Variants in THUMPD3 observed in about 807,000 individuals in gnomAD.
The protein encoded by THUMPD3 is THUMP domain 3 tRNA guanosine methyltransferase, also known as tRNA (guanine(6)-N(2))-methyltransferase THUMP3.
In THUMPD3, 44 loss-of-function variants were observed where a neutral mutation model predicts 54.5. The ratio of observed to expected loss-of-function variants is 0.81; its 90% CI spans 0.63 to 1.04. THUMPD3 has a LOEUF of 1.04. THUMPD3 is among the 50% of genes least tolerant of loss of function. The probability of loss-of-function intolerance (pLI) is 0.00; values close to 1 mark genes in which losing one functional copy is unlikely to be tolerated. For synonymous variants in THUMPD3, 196 were observed against 201.4 expected (o/e 0.97, Z 0.23); for missense variants, 604 against 601.3 (o/e 1.00, Z -0.05).
At chr3:9,363,555 G>A (rs2031102616) in intron 1 of THUMPD3, 2 of 152,110 alleles carry the variant, frequency 1.3e-5, no homozygotes, top group South Asian at 4.1e-4. Flanking sequence ...GTTATTTTGA[G>A]TCACAGACCT....
At chr3:9,381,625 T>G (rs1405907750) in intron 7 of THUMPD3, among the ~76,000 whole-genome samples, 5 of 149,618 alleles carry the variant, frequency 3.3e-5, no homozygotes, top group Non-Finnish European at 5.9e-5. Context: ...TGAGGGTTTT[T>G]TTTAATGAGC....
chr3:9,384,772 T>C lies in THUMPD3; in HGVS notation c.*84T>C. On this transcript the variant is annotated 3_prime_UTR_variant, in exon 10 of 10. Coordinates refer to ENST00000452837, the MANE Select transcript of THUMPD3 (RefSeq NM_001114092.2). Reference sequence around the variant, plus strand: ...GAGAGGAAAAAAGTATTAACAAAACTGCAGTCTGCACTCTTTAAACCTGTT... The same window carrying C: ...GAGAGGAAAAAAGTATTAACAAAACCGCAGTCTGCACTCTTTAAACCTGTT... 6.7e-7 allele frequency: 1 copy of C among 1,494,252 alleles called. No homozygotes were observed. Among genetic ancestry groups the C allele is most frequent in the Non-Finnish European group, 9.2e-7 (1 of 1,086,556 alleles). The allele number at this position is 1,494,252 out of a possible 1,614,324, so 92.6% of individuals were successfully genotyped here. A position where few individuals can be genotyped will look rare whatever the true frequency, so the allele number is the denominator to read the frequency against.
Position 9,384,925 on chromosome 3 carries a change from C to A in THUMPD3, c.*237C>A, listed in dbSNP as rs1212999430. Reference sequence around the variant, plus strand: ...GTTTAGGAAGCCGAAGTGTGCAGATCACCTGAGGTCCGGAGACCAGCCTGG... The same window carrying A: ...GTTTAGGAAGCCGAAGTGTGCAGATAACCTGAGGTCCGGAGACCAGCCTGG... On this transcript the variant is annotated 3_prime_UTR_variant, in exon 10 of 10. Coordinates refer to ENST00000452837, the MANE Select transcript of THUMPD3 (RefSeq NM_001114092.2). 3 of 447,658 alleles carry A rather than the reference C, an allele frequency of 6.7e-6. No individual in the cohort carries two copies. Among genetic ancestry groups the A allele is most frequent in the Non-Finnish European group, 1.2e-5 (3 of 247,746 alleles). The allele number at this position is 447,658 out of a possible 1,614,324, so 27.7% of individuals were successfully genotyped here.
intron 4 of THUMPD3, among the ~76,000 whole-genome samples, chr3:9,374,020 A>C (rs1247774487): frequency 6.6e-6 from 1 of 152,234 alleles, no homozygotes. Context: ...ATCCAGATAG[A>C]GATACAAACT....
rs1417888646 is a variant in THUMPD3 at position 9,365,287 on chromosome 3, A to G, written c.219A>G (p.Ile73Met). Residue 73 changes from isoleucine (I) to methionine (M), a missense_variant, in exon 2 of 10, where the codon ATA (isoleucine) becomes ATG (methionine). By Grantham distance (10) the Ile-to-Met change is conservative. Transcript: ENST00000452837. ...SCKISRDRGK[I>M]YFVISVESLA... ...AAATCAGCAGAGACCGTGGCAAGAT[A>G]TATTTTGTCATTTCAGTGGAAAGTC... The G allele has an allele frequency of 2.5e-6, 4 of 1,614,232 alleles. No individual in the cohort carries two copies. In the South Asian group the frequency reaches 3.3e-5, roughly 13 times the overall value.
In THUMPD3 at chr3:9,384,642, C is replaced by A; in HGVS notation, c.1478C>A (p.Ser493Ter). ...ACACCTCAAGCTTTTGTTCATCCTTCAGAACAAGACGGAGAAAGAGGAACT... is the reference window on the plus strand; with the variant it reads ...ACACCTCAAGCTTTTGTTCATCCTTAAGAACAAGACGGAGAAAGAGGAACT... Reference protein sequence around the residue: ...IRTPQAFVHPSEQDGERGTLW... With the variant: ...IRTPQAFVHP The change falls in exon 10 of 10, where the codon TCA (serine) becomes TAA (stop). Residue 493 changes from serine to a stop codon, truncating the protein, a stop_gained. Transcript: ENST00000452837. LOFTEE classifies it high-confidence loss of function. The A allele has an allele frequency of 1.2e-6, 2 of 1,614,106 alleles. No individual in the cohort carries two copies. The highest frequency in any genetic ancestry group is 1.7e-6 in the Non-Finnish European group (2 of 1,180,038).
At chr3:9,377,525 C>G (rs1476901991) in intron 5 of THUMPD3, among the ~76,000 whole-genome samples, 8 of 152,126 alleles carry the variant, frequency 5.3e-5, no homozygotes, top group Non-Finnish European at 1.5e-5. Flanking sequence ...AGGCACCCAC[C>G]ACCACGCCCA....
chr3:9,369,309 C>CAAAAA (rs779602979), intron 3 of THUMPD3, among the ~76,000 whole-genome samples: 344 of 59,766 alleles, frequency 5.8e-3, no homozygotes, highest in Non-Finnish European at 6.3e-3. Flanking sequence ...GACTCCGTCT[C>CAAAAA]AAAAAAAAAA....
At chr3:9,383,113 G>GT in intron 7 of THUMPD3, 86 bp from the exon 8 acceptor site, 1 of 819,420 alleles carries the variant, frequency 1.2e-6, no homozygotes, top group Non-Finnish European at 2.1e-6. Flanking sequence ...ATGTTTTGCT[G>GT]TAGCAGTCTC....
intron 3 of THUMPD3, among the ~76,000 whole-genome samples, chr3:9,369,123 A>G (rs1203537987): frequency 6.6e-6 from 1 of 152,028 alleles, no homozygotes; most frequent in Non-Finnish European, 1.5e-5. Context: ...CAGCATGGCC[A>G]AGGTGGTGAA....
rs994673473 is a variant in THUMPD3, at chr3:9,385,446, A to G, written c.*758A>G. ...TTACCTCAACCTGAAGGAATGAAGC[A>G]TTATTACATTTTGTGAATGGTGTTC... is the stretch of plus-strand genomic sequence containing the variant. On this transcript the variant is annotated 3_prime_UTR_variant, in exon 10 of 10. Transcript: ENST00000452837. 5.3e-5 allele frequency: 8 copies of G among 152,338 alleles called. No homozygotes were observed. In the East Asian group the frequency reaches 1.5e-3, roughly 29 times the overall value. The allele number at this position is 152,338 out of a possible 1,614,324, so 9.4% of individuals were successfully genotyped here. A position where few individuals can be genotyped will look rare whatever the true frequency, so the allele number is the denominator to read the frequency against.
rs768546814 is a variant in THUMPD3, at chr3:9,384,681, A to C, written c.1517A>C (p.Lys506Thr). Reference sequence around the variant, plus strand: ...GAAAGAGGAACTCTTTGGCAATGCAAAGAATGAAGATGACTAATAGTACTT... The same window carrying C: ...GAAAGAGGAACTCTTTGGCAATGCACAGAATGAAGATGACTAATAGTACTT... ...DGERGTLWQC[K>T]E Residue 506 changes from lysine to threonine, a missense_variant, in exon 10 of 10, where the codon AAA becomes ACA. By Grantham distance (78) the Lys-to-Thr change is moderately conservative. Coordinates refer to ENST00000452837, the MANE Select transcript of THUMPD3 (RefSeq NM_001114092.2). The C allele has an allele frequency of 1.9e-6, 3 of 1,614,202 alleles. No homozygotes were observed. In the Admixed American group the frequency reaches 5.0e-5, roughly 27 times the overall value.
intron 8 of THUMPD3, among the ~76,000 whole-genome samples, 180 bp from the exon 9 acceptor site, chr3:9,384,032 C>G (rs938472805): frequency 6.6e-6 from 1 of 152,144 alleles, no homozygotes; most frequent in Non-Finnish European, 1.5e-5. Context: ...TTTTTTGATT[C>G]AGAATTCTAA....
chr3:9,377,837 T>A lies in THUMPD3; in HGVS notation c.957T>A (p.Pro319=). The change falls in exon 6 of 10, where the codon CCT becomes CCA. Residue 319 remains proline, a synonymous_variant. Transcript: ENST00000452837. The stretch of plus-strand genomic sequence containing the variant: ...TCTCTAGGCTCTGTGATCCTCTACC[T>A]TATGATATAATAGTCGATCCAATGT... The part of the protein sequence containing the change: ...YGMLRLCDPL[P]YDIIVDPMCG... The A allele has an allele frequency of 6.2e-7, 1 of 1,613,698 alleles. No individual in the cohort carries two copies. The highest frequency in any genetic ancestry group is 1.1e-5 in the South Asian group (1 of 91,062).
chr3:9,384,156 GT>G, intron 8 of THUMPD3, 55 bp from the exon 9 acceptor site: 1 of 1,587,802 alleles, frequency 6.3e-7, no homozygotes, highest in African/African-American at 1.4e-5. Flanking sequence ...GTTTCATATA[GT>G]CCTTCTATTT....
chr3:9,366,967 C>T lies in THUMPD3; in HGVS notation c.312C>T (p.Tyr104=). The T allele has an allele frequency of 6.2e-7, 1 of 1,613,300 alleles. No individual in the cohort carries two copies. Among genetic ancestry groups the T allele is most frequent in the Non-Finnish European group, 8.5e-7 (1 of 1,179,716 alleles). The change falls in exon 3 of 10, where the codon TAC becomes TAT. Residue 104 remains tyrosine, a synonymous_variant. Coordinates refer to ENST00000452837, the MANE Select transcript of THUMPD3 (RefSeq NM_001114092.2). ...LFVVVQEFQD[Y]QFKQTKEEVL... The stretch of plus-strand genomic sequence containing the variant: ...TGGTGGTTCAGGAGTTTCAAGATTA[C>T]CAGTTCAAACAAACAAAGGTGAGCT...
In THUMPD3 at chr3:9,386,054, TTC is replaced by T. The variant is rs1314269755; in HGVS notation, c.*1368_*1369del. The T allele has an allele frequency of 1.3e-5, 2 of 152,184 alleles. No homozygotes were observed. The highest frequency in any genetic ancestry group is 2.9e-5 in the Non-Finnish European group (2 of 68,026). 9.4% of individuals were successfully genotyped at this position (152,184 alleles called of 1,614,324 possible). Reference sequence around the variant, plus strand: ...TTATAATAGTACTCCTCTTAATACTTTCTGATGTCTCCATTGAGAATAAAAGG... The same window carrying T: ...TTATAATAGTACTCCTCTTAATACTTTGATGTCTCCATTGAGAATAAAAGG... On this transcript the variant is annotated 3_prime_UTR_variant, in exon 10 of 10. Coordinates refer to ENST00000452837, the MANE Select transcript of THUMPD3 (RefSeq NM_001114092.2).
chr3:9,384,493 C>G (rs368926207), intron 9 of THUMPD3, 31 bp from the exon 10 acceptor site: 253 of 1,612,446 alleles, frequency 1.6e-4, no homozygotes, highest in Non-Finnish European at 1.9e-4. Context: ...AGATTGTCAA[C>G]CTAATTGTTA....
chr3:9,382,115 G>GTT (rs1387194188), intron 7 of THUMPD3, among the ~76,000 whole-genome samples: 1 of 151,718 alleles, frequency 6.6e-6, no homozygotes, highest in Non-Finnish European at 1.5e-5. Context: ...TTTTACTTTG[G>GTT]TTTTTAATAT....
Sources: gnomAD v4.1 joint callset for allele counts (sites outside exome capture counted in the v4.1 genomes callset) on GRCh38, gnomAD v4.1.1 for gene constraint, MANE v1.5 for transcripts, NCBI Gene and HGNC (gene_info 2026-07-23, HGNC 2026-07-21) for gene names.